Variants in RAP1A observed in about 807,000 individuals in gnomAD.
RAP1A encodes the protein RAP1A, member of RAS oncogene family.
RAP1A carries 6 observed loss-of-function variants against 26.4 expected under a neutral mutation model. The ratio of observed to expected loss-of-function variants is 0.23; its 90% CI spans 0.12 to 0.45. RAP1A has a LOEUF of 0.45. Among genes scored for constraint, RAP1A ranks in the 20% least tolerant of loss-of-function variants. The probability of loss-of-function intolerance (pLI) is 0.99; values close to 1 mark genes in which losing one functional copy is unlikely to be tolerated. For missense variants in RAP1A, 121 were observed against 217.2 expected, an observed-to-expected ratio of 0.56 and a Z score of 2.78; for synonymous variants, 73 against 79.4, an observed-to-expected ratio of 0.92 and a Z score of 0.43.
chr1:111,680,311 G>A (rs1289124153), intron 1 of RAP1A, among the ~76,000 whole-genome samples: 1 of 152,198 alleles, frequency 6.6e-6, no homozygotes, highest in Non-Finnish European at 1.5e-5. Flanking sequence ...GCGACTGCTG[G>A]CTGGGGTGGC....
At chr1:111,563,856 G>T (rs1657843384) in intron 1 of RAP1A, 2 of 1,612,906 alleles carry the variant, frequency 1.2e-6, no homozygotes, top group Non-Finnish European at 1.7e-6. Context: ...TGTGACTCAG[G>T]ACTCAAGCAG....
intron 1 of RAP1A, among the ~76,000 whole-genome samples, chr1:111,674,600 CA>C: frequency 6.6e-6 from 1 of 152,292 alleles, no homozygotes; most frequent in East Asian, 1.9e-4. Flanking sequence ...ATAGGAATCT[CA>C]TAGTTAATTT....
intron 2 of RAP1A, among the ~76,000 whole-genome samples, chr1:111,694,855 C>G (rs1661778237): frequency 6.6e-6 from 1 of 152,112 alleles, no homozygotes; most frequent in African/African-American, 2.4e-5. Context: ...GGTCCAGCTA[C>G]CTGGGAGGCT....
Position 111,649,216 on chromosome 1 carries a change from G to C in RAP1A, c.-28+29282G>C, listed in dbSNP as rs1176813663. ...AAGTAATGGCCCCAGTCCCTGAGCT[G>C]GGGTCCCTTCTTCTCCAGGTGCTCC... is the stretch of plus-strand genomic sequence containing the variant. On this transcript the variant is annotated intron_variant, in intron 1 of 7. Transcript: ENST00000369709. 1.2e-5 allele frequency: 6 copies of C among 494,374 alleles called. No homozygotes were observed. The Admixed American group carries it at 1.3e-4, about 11-fold the overall frequency. The allele number at this position is 494,374 out of a possible 1,614,324, so 30.6% of individuals were successfully genotyped here.
Position 111,697,229 on chromosome 1 carries a change from C to T in RAP1A, c.127-212C>T, listed in dbSNP as rs2365323. 0.3 allele frequency among the ~76,000 whole-genome samples: 45,306 copies of T among 152,022 alleles called. 7,346 individuals are homozygous for T. Among genetic ancestry groups the T allele is most frequent in the East Asian group, 0.47 (2,422 of 5,172 alleles). ...GAGGTCAGAAAATATCTAAACTCAG[C>T]ATTAACCATCTTGGCTTCTGTAATA... On this transcript the variant is annotated intron_variant, in intron 3 of 7. Coordinates refer to ENST00000369709, the MANE Select transcript of RAP1A (RefSeq NM_002884.4).
At chr1:111,645,461 T>C (rs1660035503) in intron 1 of RAP1A, among the ~76,000 whole-genome samples, 1 of 152,172 alleles carries the variant, frequency 6.6e-6, no homozygotes, top group Admixed American at 6.5e-5. Context: ...TTTGAAGTAG[T>C]GACATCAGTT....
chr1:111,652,588 T>C (rs1366320121), intron 1 of RAP1A, among the ~76,000 whole-genome samples: 1 of 152,140 alleles, frequency 6.6e-6, no homozygotes, highest in African/African-American at 2.4e-5. Context: ...GTTTGCTGAC[T>C]ATGGATTAGA....
intron 6 of RAP1A, among the ~76,000 whole-genome samples, chr1:111,704,798 A>G (rs1032227181): frequency 2.6e-5 from 4 of 152,234 alleles, no homozygotes; most frequent in South Asian, 2.1e-4. Flanking sequence ...ATCACCTTAT[A>G]TTGTAATAAT....
At chr1:111,698,911 A>G (rs1661924999) in intron 4 of RAP1A, among the ~76,000 whole-genome samples, 1 of 150,900 alleles carries the variant, frequency 6.6e-6, no homozygotes, top group Non-Finnish European at 1.5e-5. Context: ...TTGTTTCCAG[A>G]GACCCTAATA....
At chr1:111,634,984 A>C (rs529591557) in intron 1 of RAP1A, among the ~76,000 whole-genome samples, 3 of 152,186 alleles carry the variant, frequency 2.0e-5, no homozygotes, top group African/African-American at 7.2e-5. Flanking sequence ...TCTAAAATCA[A>C]TTCATTATAG....
At chr1:111,641,305 C>T (rs1339891195) in intron 1 of RAP1A, among the ~76,000 whole-genome samples, 4 of 152,148 alleles carry the variant, frequency 2.6e-5, no homozygotes, top group Non-Finnish European at 5.9e-5. Context: ...TCTGCTTGCT[C>T]CTCCCTTCAC....
rs1467607062 is a variant in RAP1A at position 111,714,673 on chromosome 1, T to A, written c.*2272T>A. ...AGCTGAAGTCAGATGTGCAAGGAAA[T>A]CTGTGGTTGCTGAGCAGGATGAAAA... On this transcript the variant is annotated 3_prime_UTR_variant, in exon 8 of 8. Transcript: ENST00000369709. The A allele has an allele frequency of 6.6e-6, 1 of 152,224 alleles. No homozygotes were observed. The highest frequency in any genetic ancestry group is 2.1e-4 in the South Asian group (1 of 4,830). 9.4% of individuals were successfully genotyped at this position (152,224 alleles called of 1,614,324 possible).
At chr1:111,676,054 G>A (rs1221529284) in intron 1 of RAP1A, among the ~76,000 whole-genome samples, 1 of 152,112 alleles carries the variant, frequency 6.6e-6, no homozygotes, top group Non-Finnish European at 1.5e-5. Flanking sequence ...TGACACGTGG[G>A]GATTATTAAA....
At chr1:111,579,698 C>T (rs1658214280) in intron 1 of RAP1A, among the ~76,000 whole-genome samples, 1 of 152,124 alleles carries the variant, frequency 6.6e-6, no homozygotes, top group African/African-American at 2.4e-5. Context: ...GCCTAGCCTA[C>T]CTTAGACAAA....
intron 6 of RAP1A, among the ~76,000 whole-genome samples, chr1:111,707,773 T>C (rs967216113): frequency 1.3e-5 from 2 of 152,252 alleles, no homozygotes; most frequent in African/African-American, 4.8e-5. Flanking sequence ...TTTAATACTT[T>C]GGCATCAGAA....
At chr1:111,554,708 T>C (rs539024758) in intron 1 of RAP1A, among the ~76,000 whole-genome samples, 77 of 152,374 alleles carry the variant, frequency 5.1e-4, no homozygotes, top group Non-Finnish European at 9.3e-4. Context: ...TGTAACCACA[T>C]GTGAGACTTC....
chr1:111,628,495 A>G (rs902360564), intron 1 of RAP1A, among the ~76,000 whole-genome samples: 1 of 152,216 alleles, frequency 6.6e-6, no homozygotes, highest in African/African-American at 2.4e-5. Context: ...ATTGAATGCT[A>G]CGTTGATAAG....
At chr1:111,705,919 G>A (rs1416130977) in intron 6 of RAP1A, among the ~76,000 whole-genome samples, 1 of 152,160 alleles carries the variant, frequency 6.6e-6, no homozygotes, top group Non-Finnish European at 1.5e-5. Context: ...CAGACTCCAG[G>A]CTCCGGTGGG....
intron 1 of RAP1A, among the ~76,000 whole-genome samples, chr1:111,572,536 C>A (rs1658071148): frequency 1.3e-5 from 2 of 152,338 alleles, no homozygotes; most frequent in Middle Eastern, 6.8e-3. Context: ...CAGATTATTT[C>A]TACTTCAGCA....
Sources: allele counts gnomAD v4.1 joint callset (sites outside exome capture counted in the v4.1 genomes callset), GRCh38; gene constraint gnomAD v4.1.1; transcripts MANE v1.5; gene names NCBI Gene and HGNC (gene_info 2026-07-23, HGNC 2026-07-21).